The following ALK variants were observed in gnomAD, a reference collection of about 807,000 sequenced individuals.
ALK encodes ALK tyrosine kinase receptor.
ALK carries 74 observed loss-of-function variants against 163.1 expected under a neutral mutation model. The ratio of observed to expected loss-of-function variants is 0.45; its 90% confidence interval spans 0.38 to 0.55. ALK has a LOEUF of 0.55. ALK is among the 20% of genes least tolerant of loss of function. The pLI is 0.00. For synonymous variants in ALK, 960 were observed against 843.2 expected (o/e 1.14, Z -2.40); for missense variants, 2,063 against 2,105.3 (o/e 0.98, Z 0.39).
chr2:29,740,112 T>C (rs536301121), intron 1 of ALK, among the ~76,000 whole-genome samples: 2 of 152,224 alleles, frequency 1.3e-5, no homozygotes, highest in South Asian at 2.1e-4. Context: ...TACTGCATTC[T>C]GATGTGAGGT....
intron 5 of ALK, among the ~76,000 whole-genome samples, chr2:29,338,275 C>G (rs1420805681): frequency 6.6e-6 from 1 of 152,152 alleles, no homozygotes; most frequent in African/African-American, 2.4e-5. Flanking sequence ...ATTATACTTG[C>G]AATGATGGGT....
intron 4 of ALK, among the ~76,000 whole-genome samples, chr2:29,494,235 T>C (rs1436859263): frequency 1.3e-5 from 2 of 152,312 alleles, no homozygotes; most frequent in East Asian, 3.9e-4. Flanking sequence ...TTAAGATTTG[T>C]GATAATAATA....
chr2:29,305,988 C>T (rs150802927), intron 8 of ALK, among the ~76,000 whole-genome samples: 431 of 152,126 alleles, frequency 2.8e-3, no homozygotes, highest in Non-Finnish European at 4.9e-3. Context: ...CGAGGGATGG[C>T]GAGTGGGTGT....
intron 1 of ALK, among the ~76,000 whole-genome samples, chr2:29,911,031 A>T (rs1382641949): frequency 6.6e-6 from 1 of 152,204 alleles, no homozygotes; most frequent in Non-Finnish European, 1.5e-5. Flanking sequence ...TGAAAAGTAA[A>T]ATCAGGAACA....
chr2:29,703,276 G>A (rs1244329327), intron 2 of ALK, among the ~76,000 whole-genome samples: 1 of 152,206 alleles, frequency 6.6e-6, no homozygotes, highest in African/African-American at 2.4e-5. Context: ...GGGCCTGACT[G>A]TCCTCACTTG....
chr2:29,583,096 C>A (rs1469396745), intron 3 of ALK, among the ~76,000 whole-genome samples: 4 of 147,678 alleles, frequency 2.7e-5, no homozygotes, highest in African/African-American at 1.0e-4. Context: ...CCAGGCTGGT[C>A]TCAAACTCCT....
At chr2:29,503,852 T>C (rs2148134085) in intron 4 of ALK, among the ~76,000 whole-genome samples, 1 of 152,148 alleles carries the variant, frequency 6.6e-6, no homozygotes, top group East Asian at 1.9e-4. Context: ...TTTAGTGCTG[T>C]GTTACTGTGG....
chr2:29,836,447 A>T (rs1157577717), intron 1 of ALK, among the ~76,000 whole-genome samples: 1 of 152,176 alleles, frequency 6.6e-6, no homozygotes. Context: ...CATGAAAAAA[A>T]TAGAGATTGG....
chr2:29,410,765 C>A (rs1014473472), intron 4 of ALK, among the ~76,000 whole-genome samples: 1 of 152,072 alleles, frequency 6.6e-6, no homozygotes, highest in Non-Finnish European at 1.5e-5. Flanking sequence ...CATGAATGAA[C>A]CTTGGAGGAG....
chr2:29,496,984 G>A (rs1345917337), intron 4 of ALK, among the ~76,000 whole-genome samples: 2 of 152,274 alleles, frequency 1.3e-5, no homozygotes, highest in African/African-American at 4.8e-5. Context: ...TTAAAATCCT[G>A]ATGAGGCCAG....
chr2:29,569,797 T>A (rs944435766), intron 3 of ALK, among the ~76,000 whole-genome samples: 4 of 152,116 alleles, frequency 2.6e-5, no homozygotes, highest in Non-Finnish European at 5.9e-5. Context: ...TGCTTTCCAG[T>A]TGAAAGTTCT....
rs150622766 is a variant in ALK at position 29,872,846 on chromosome 2, C to G, written c.667+47147G>C. On this transcript the variant is annotated intron_variant, in intron 1 of 28. Transcript: ENST00000389048. ...GCCATAGATCTGCCCAAAAGTAGCT[C>G]TCTTCACTTTCAAGTTGGGCAAAGG... 5.2e-3 allele frequency among the ~76,000 whole-genome samples: 792 copies of G among 152,328 alleles called. 2 individuals are homozygous for G. The highest frequency in any genetic ancestry group is 0.014 in the Middle Eastern group (4 of 294).
At chr2:29,439,474 A>G (rs1308026303) in intron 4 of ALK, among the ~76,000 whole-genome samples, 2 of 152,192 alleles carry the variant, frequency 1.3e-5, no homozygotes, top group Middle Eastern at 3.2e-3. Flanking sequence ...TGCTGAAACA[A>G]TATCGCTGCT....
chr2:29,908,300 A>T (rs951766472), intron 1 of ALK, among the ~76,000 whole-genome samples: 4 of 151,772 alleles, frequency 2.6e-5, no homozygotes, highest in Non-Finnish European at 5.9e-5. Flanking sequence ...ACACACACAC[A>T]CACACACACA....
chr2:29,201,594 C>G (rs1175169897), intron 26 of ALK, among the ~76,000 whole-genome samples: 1 of 152,040 alleles, frequency 6.6e-6, no homozygotes, highest in Non-Finnish European at 1.5e-5. Context: ...CGAGACCAGC[C>G]TGGCCAACGT....
At chr2:29,247,115 T>C (rs1402428252) in intron 12 of ALK, among the ~76,000 whole-genome samples, 2 of 152,056 alleles carry the variant, frequency 1.3e-5, no homozygotes, top group Non-Finnish European at 2.9e-5. Flanking sequence ...TGCAGCGCCT[T>C]TCCCCCGGCC....
intron 1 of ALK, among the ~76,000 whole-genome samples, chr2:29,813,951 G>T (rs112304213): frequency 0.014 from 2,099 of 152,292 alleles, 46 homozygotes; most frequent in African/African-American, 0.048. Flanking sequence ...GAAAGGATAA[G>T]TTCATATTTC....
intron 3 of ALK, among the ~76,000 whole-genome samples, chr2:29,647,608 G>A (rs575054290): frequency 2.8e-4 from 43 of 152,138 alleles, no homozygotes; most frequent in Admixed American, 1.6e-3. Flanking sequence ...GTGAAGAAGC[G>A]TCCGGAATTG....
At chr2:29,756,803 A>G (rs1192002971) in intron 1 of ALK, among the ~76,000 whole-genome samples, 1 of 152,202 alleles carries the variant, frequency 6.6e-6, no homozygotes, top group Non-Finnish European at 1.5e-5. Flanking sequence ...CTGGGATTAC[A>G]GGCATGAGCC....
Sources: allele counts gnomAD v4.1 joint callset (sites outside exome capture counted in the v4.1 genomes callset), GRCh38; gene constraint gnomAD v4.1.1; transcripts MANE v1.5; gene names NCBI Gene and HGNC (gene_info 2026-07-23, HGNC 2026-07-21).